The following GPC5 variants were observed in gnomAD, a reference collection of about 807,000 sequenced individuals.
GPC5 encodes the protein glypican 5.
GPC5 carries 47 observed loss-of-function variants against 53.9 expected under a neutral mutation model. The observed-to-expected ratio is 0.87, with a 90% CI of 0.69 to 1.11. The LOEUF is 1.11. Among genes scored for constraint, GPC5 ranks in the 50% most tolerant of loss-of-function variants. The probability of loss-of-function intolerance (pLI) is 0.00; values close to 1 mark genes in which losing one functional copy is unlikely to be tolerated. For synonymous variants in GPC5, 286 were observed against 263.3 expected, an observed-to-expected ratio of 1.09 and a Z score of -0.84; for missense variants, 748 against 713.1, an observed-to-expected ratio of 1.05 and a Z score of -0.56.
At chr13:92,821,533 T>C (rs1229772942) in intron 7 of GPC5, among the ~76,000 whole-genome samples, 1 of 152,168 alleles carries the variant, frequency 6.6e-6, no homozygotes. Flanking sequence ...AGAATCCTCT[T>C]TGCAACAAGC....
chr13:92,758,993 G>GTTTTTTTT (rs1875034940), intron 7 of GPC5, among the ~76,000 whole-genome samples: 1 of 80,694 alleles, frequency 1.2e-5, no homozygotes, highest in Admixed American at 1.6e-4. Flanking sequence ...TTCCCATTGC[G>GTTTTTTTT]GTTTTTTTTT....
chr13:92,479,953 A>G (rs1441495674), intron 7 of GPC5, among the ~76,000 whole-genome samples: 1 of 152,150 alleles, frequency 6.6e-6, no homozygotes, highest in African/African-American at 2.4e-5. Context: ...TGAGGGAACT[A>G]CAGTCAGAGG....
intron 7 of GPC5, among the ~76,000 whole-genome samples, chr13:92,582,409 A>C (rs1292776788): frequency 5.3e-5 from 8 of 152,056 alleles, no homozygotes; most frequent in Admixed American, 5.2e-4. Context: ...TTTGATTCCT[A>C]TAGCTTTAGA....
chr13:92,792,959 A>C (rs1443515587), intron 7 of GPC5, among the ~76,000 whole-genome samples: 1 of 152,124 alleles, frequency 6.6e-6, no homozygotes, highest in African/African-American at 2.4e-5. Flanking sequence ...CAGCGCTGTC[A>C]ATATTAGACA....
At chr13:92,199,291 T>A (rs1461014768) in intron 7 of GPC5, among the ~76,000 whole-genome samples, 2 of 152,240 alleles carry the variant, frequency 1.3e-5, no homozygotes, top group Non-Finnish European at 2.9e-5. Context: ...CAGCAACTTC[T>A]AGCCTGACCC....
At chr13:92,405,270 G>A (rs1238482491) in intron 7 of GPC5, among the ~76,000 whole-genome samples, 1 of 152,146 alleles carries the variant, frequency 6.6e-6, no homozygotes, top group South Asian at 2.1e-4. Context: ...CTACGACTGG[G>A]ACAATGTAGA....
At chr13:91,445,207 A>G (rs1880703137) in intron 1 of GPC5, among the ~76,000 whole-genome samples, 1 of 152,220 alleles carries the variant, frequency 6.6e-6, no homozygotes, top group African/African-American at 2.4e-5. Flanking sequence ...ACTTTGGGCA[A>G]ATCCAGATTG....
At chr13:92,545,187 G>A (rs765991430) in intron 7 of GPC5, among the ~76,000 whole-genome samples, 6 of 151,878 alleles carry the variant, frequency 4.0e-5, no homozygotes, top group African/African-American at 4.8e-5. Flanking sequence ...TTTTGTCCTC[G>A]TGATAGTTTG....
intron 6 of GPC5, among the ~76,000 whole-genome samples, chr13:91,993,677 T>C (rs2040477990): frequency 6.6e-6 from 1 of 152,204 alleles, no homozygotes; most frequent in Admixed American, 6.5e-5. Flanking sequence ...ATGAACATTT[T>C]TTTCATGAAA....
intron 5 of GPC5, among the ~76,000 whole-genome samples, chr13:91,860,676 A>G (rs978725766): frequency 6.6e-6 from 1 of 151,696 alleles, no homozygotes; most frequent in Admixed American, 6.6e-5. Context: ...CAATTTTTAT[A>G]TTTTTAGTAG....
intron 7 of GPC5, among the ~76,000 whole-genome samples, chr13:92,727,221 A>T (rs1220365189): frequency 6.6e-6 from 1 of 151,508 alleles, no homozygotes; most frequent in Non-Finnish European, 1.5e-5. Context: ...GTGTGCGTAA[A>T]CAGACACTTT....
chr13:92,284,368 G>A (rs1385692403), intron 7 of GPC5, among the ~76,000 whole-genome samples: 4 of 152,094 alleles, frequency 2.6e-5, no homozygotes, highest in African/African-American at 9.7e-5. Flanking sequence ...GAAAAAGAGG[G>A]AATCTTCCCT....
chr13:91,565,132 G>C (rs1392859030), intron 2 of GPC5, among the ~76,000 whole-genome samples: 1 of 151,926 alleles, frequency 6.6e-6, no homozygotes, highest in African/African-American at 2.4e-5. Context: ...TGGGATTATA[G>C]GCATGCACCA....
At chr13:91,851,327 A>G (rs950419094) in intron 5 of GPC5, among the ~76,000 whole-genome samples, 33 of 152,158 alleles carry the variant, frequency 2.2e-4, no homozygotes, top group African/African-American at 7.9e-4. Context: ...GGTAAATAAA[A>G]AATACACTCA....
chr13:92,006,689 T>G (rs1207369387), intron 6 of GPC5, among the ~76,000 whole-genome samples: 2 of 152,162 alleles, frequency 1.3e-5, no homozygotes, highest in African/African-American at 4.8e-5. Context: ...TCAAAGATGC[T>G]TGTATTTCTC....
intron 2 of GPC5, among the ~76,000 whole-genome samples, chr13:91,578,826 G>T (rs1054464910): frequency 6.6e-6 from 1 of 151,932 alleles, no homozygotes; most frequent in Non-Finnish European, 1.5e-5. Flanking sequence ...CAGGTGGATT[G>T]CTTGAGCTCA....
intron 2 of GPC5, among the ~76,000 whole-genome samples, chr13:91,530,286 G>A (rs1886284524): frequency 6.6e-6 from 1 of 152,202 alleles, no homozygotes; most frequent in African/African-American, 2.4e-5. Context: ...GCTTACACCA[G>A]CTTGCTGGAG....
At chr13:91,946,730 G>C (rs1244783761) in intron 6 of GPC5, among the ~76,000 whole-genome samples, 1 of 152,096 alleles carries the variant, frequency 6.6e-6, no homozygotes, top group Non-Finnish European at 1.5e-5. Flanking sequence ...ATCTGAAAGT[G>C]CCTTTCGGGG....
At chr13:92,421,422 G>A (rs952193717) in intron 7 of GPC5, among the ~76,000 whole-genome samples, 8 of 152,038 alleles carry the variant, frequency 5.3e-5, no homozygotes, top group Non-Finnish European at 7.4e-5. Flanking sequence ...AGGTTTGGCC[G>A]GGCGCGGTGG....
Sources: gnomAD v4.1 joint callset for allele counts (sites outside exome capture counted in the v4.1 genomes callset) on GRCh38, gnomAD v4.1.1 for gene constraint, MANE v1.5 for transcripts, NCBI Gene and HGNC (gene_info 2026-07-23, HGNC 2026-07-21) for gene names.